SYT1: variants seen among roughly 807,000 people sequenced by gnomAD.
SYT1 encodes the protein synaptotagmin-1.
SYT1 carries 8 observed loss-of-function variants against 44.8 expected under a neutral mutation model. That is an observed-to-expected ratio of 0.18 (90% confidence interval 0.10 to 0.32). The LOEUF (loss-of-function observed/expected upper bound fraction) is 0.32, where lower values mean the gene tolerates loss of function less well. Ranked by LOEUF, SYT1 falls within the 10% of genes least tolerant of loss-of-function variation. SYT1 has a pLI of 1.00. For missense variants in SYT1, 286 were observed against 509.3 expected (o/e 0.56, Z 4.22); for synonymous variants, 154 against 188.8 (o/e 0.82, Z 1.51).
intron 3 of SYT1, among the ~76,000 whole-genome samples, chr12:79,161,208 C>G (rs1279656535): frequency 6.6e-6 from 1 of 152,088 alleles, no homozygotes; most frequent in African/African-American, 2.4e-5. Context: ...CCACTGCAAT[C>G]CAGCCTGGGC....
At chr12:79,339,847 T>A (rs1882278251) in intron 8 of SYT1, among the ~76,000 whole-genome samples, 1 of 152,220 alleles carries the variant, frequency 6.6e-6, no homozygotes, top group South Asian at 2.1e-4. Flanking sequence ...AATTTTTGTA[T>A]AAGGTGTAAG....
At chr12:79,005,459 G>A (rs955649329) in intron 2 of SYT1, among the ~76,000 whole-genome samples, 1 of 151,996 alleles carries the variant, frequency 6.6e-6, no homozygotes, top group African/African-American at 2.4e-5. Flanking sequence ...TTTCCTTATA[G>A]GAAAACTCAG....
At chr12:79,252,198 C>T (rs1877257764) in intron 4 of SYT1, among the ~76,000 whole-genome samples, 1 of 152,036 alleles carries the variant, frequency 6.6e-6, no homozygotes. Context: ...CTGAGATTTT[C>T]ATCAGAGAAA....
chr12:79,222,795 C>T (rs1189543215), intron 4 of SYT1, among the ~76,000 whole-genome samples: 1 of 152,002 alleles, frequency 6.6e-6, no homozygotes, highest in East Asian at 1.9e-4. Context: ...TCTTCATTTC[C>T]TCTCATTCTT....
chr12:79,297,140 T>C (rs957389158), intron 7 of SYT1, among the ~76,000 whole-genome samples: 1 of 152,202 alleles, frequency 6.6e-6, no homozygotes, highest in Non-Finnish European at 1.5e-5. Flanking sequence ...AACCTTGTTT[T>C]CAATTATGTA....
chr12:79,377,771 G>A (rs1884059765), intron 9 of SYT1, among the ~76,000 whole-genome samples: 1 of 152,134 alleles, frequency 6.6e-6, no homozygotes, highest in African/African-American at 2.4e-5. Flanking sequence ...AATATCCAGG[G>A]TCAGGAAGAC....
At chr12:79,441,116 A>T (rs1870386389) in intron 9 of SYT1, among the ~76,000 whole-genome samples, 1 of 152,218 alleles carries the variant, frequency 6.6e-6, no homozygotes, top group Non-Finnish European at 1.5e-5. Context: ...ATCGAGGCAC[A>T]AAAGCTGATA....
chr12:79,169,914 G>A (rs1439648304), intron 3 of SYT1, among the ~76,000 whole-genome samples: 3 of 151,894 alleles, frequency 2.0e-5, no homozygotes, highest in Admixed American at 6.6e-5. Flanking sequence ...TGTCCTCATC[G>A]TTTAGCCCCT....
chr12:78,944,834 G>A (rs901785803), intron 1 of SYT1, among the ~76,000 whole-genome samples: 2 of 152,018 alleles, frequency 1.3e-5, no homozygotes, highest in African/African-American at 4.8e-5. Context: ...GTAGTCTTAT[G>A]TCATAATAAC....
At chr12:79,136,357 T>G (rs1869187114) in intron 3 of SYT1, among the ~76,000 whole-genome samples, 1 of 152,174 alleles carries the variant, frequency 6.6e-6, no homozygotes, top group African/African-American at 2.4e-5. Flanking sequence ...ACATTCAAGA[T>G]TCATTAGCTC....
chr12:79,362,621 G>T (rs1468573788), intron 9 of SYT1, among the ~76,000 whole-genome samples: 2 of 152,092 alleles, frequency 1.3e-5, no homozygotes, highest in African/African-American at 2.4e-5. Context: ...GGATGAAGGG[G>T]CCGTGTGTGA....
chr12:79,224,048 T>C (rs1177387819), intron 4 of SYT1, among the ~76,000 whole-genome samples: 1 of 152,194 alleles, frequency 6.6e-6, no homozygotes, highest in Non-Finnish European at 1.5e-5. Context: ...CTGTGAGCTT[T>C]CATGTGGTTT....
At chr12:79,123,619 T>G (rs2138144815) in intron 3 of SYT1, among the ~76,000 whole-genome samples, 1 of 152,286 alleles carries the variant, frequency 6.6e-6, no homozygotes, top group South Asian at 2.1e-4. Context: ...TCCAATACTG[T>G]TGTGCATAGA....
intron 4 of SYT1, among the ~76,000 whole-genome samples, chr12:79,260,506 CTG>C (rs113160947): frequency 4.6e-5 from 7 of 152,322 alleles, no homozygotes; most frequent in African/African-American, 1.7e-4. Context: ...GCCAGTTAAA[CTG>C]TAGGACAAAA....
At chr12:78,950,523 T>C (rs1878908142) in intron 1 of SYT1, among the ~76,000 whole-genome samples, 1 of 152,040 alleles carries the variant, frequency 6.6e-6, no homozygotes. Flanking sequence ...ATCAAAACAT[T>C]TGTTTGTAGA....
chr12:79,426,801 T>C (rs1869476401), intron 9 of SYT1, among the ~76,000 whole-genome samples: 1 of 152,166 alleles, frequency 6.6e-6, no homozygotes, highest in African/African-American at 2.4e-5. Flanking sequence ...ACCTAAAATC[T>C]CATCTTGAAT....
At chr12:79,246,514 C>G (rs547672466) in intron 4 of SYT1, among the ~76,000 whole-genome samples, 1 of 152,206 alleles carries the variant, frequency 6.6e-6, no homozygotes. Flanking sequence ...CTGGAAAGTC[C>G]AAGATCAAGG....
intron 1 of SYT1, among the ~76,000 whole-genome samples, chr12:78,873,360 G>GA (rs1161709700): frequency 6.6e-6 from 1 of 151,638 alleles, no homozygotes; most frequent in Non-Finnish European, 1.5e-5. Context: ...TTATCCCACT[G>GA]AAAAAATAAG....
At chr12:79,436,618 T>A (rs1471873351) in intron 9 of SYT1, among the ~76,000 whole-genome samples, 2 of 152,212 alleles carry the variant, frequency 1.3e-5, no homozygotes, top group Non-Finnish European at 2.9e-5. Flanking sequence ...AAAAGGATCA[T>A]TGCTTACAGC....
Sources: allele counts gnomAD v4.1 joint callset (sites outside exome capture counted in the v4.1 genomes callset), GRCh38; gene constraint gnomAD v4.1.1; transcripts MANE v1.5; gene names NCBI Gene and HGNC (gene_info 2026-07-23, HGNC 2026-07-21).